ANO4: variants seen among roughly 807,000 people sequenced by gnomAD.
ANO4 encodes the protein anoctamin 4.
A neutral mutation model predicts 141.9 loss-of-function variants in ANO4; 69 were observed. The observed-to-expected ratio is 0.49, with a 90% CI of 0.40 to 0.59. ANO4 has a LOEUF of 0.59. ANO4 is among the 20% of genes least tolerant of loss of function. The pLI, the probability that ANO4 is intolerant of heterozygous loss-of-function variation, is 0.00. For synonymous variants in ANO4, 350 were observed against 394.3 expected (o/e 0.89, Z 1.33); for missense variants, 894 against 1,162.2 (o/e 0.77, Z 3.36).
chr12:100,964,949 G>T (rs1304597213), intron 5 of ANO4, among the ~76,000 whole-genome samples: 1 of 152,068 alleles, frequency 6.6e-6, no homozygotes, highest in Non-Finnish European at 1.5e-5. Context: ...CTTGAGTTCC[G>T]CAAGAGCAGG....
chr12:101,115,910 C>G (rs556725362), intron 24 of ANO4, among the ~76,000 whole-genome samples: 9 of 152,248 alleles, frequency 5.9e-5, no homozygotes, highest in African/African-American at 2.2e-4. Context: ...ATAGGATACA[C>G]AAATACCTAA....
chr12:100,759,889 C>A (rs1164011027), intron 3 of ANO4, among the ~76,000 whole-genome samples: 1 of 152,156 alleles, frequency 6.6e-6, no homozygotes, highest in African/African-American at 2.4e-5. Context: ...GCTACTTTGT[C>A]AAACATTTGT....
At chr12:101,057,587 T>C (rs1320742780) in intron 14 of ANO4, among the ~76,000 whole-genome samples, 1 of 152,212 alleles carries the variant, frequency 6.6e-6, no homozygotes, top group African/African-American at 2.4e-5. Flanking sequence ...CTCATTGTGG[T>C]TTTGATTTGC....
intron 3 of ANO4, among the ~76,000 whole-genome samples, chr12:100,750,273 A>G (rs1373336043): frequency 6.6e-6 from 1 of 151,370 alleles, no homozygotes; most frequent in Non-Finnish European, 1.5e-5. Context: ...CTGGAATAAC[A>G]GGCATGCACC....
At chr12:101,057,002 C>T (rs1346838014) in intron 14 of ANO4, among the ~76,000 whole-genome samples, 3 of 151,118 alleles carry the variant, frequency 2.0e-5, no homozygotes, top group South Asian at 2.1e-4. Context: ...TTTCCCTCCC[C>T]GATCCCCCTA....
intron 1 of ANO4, among the ~76,000 whole-genome samples, chr12:100,728,477 C>A (rs987557360): frequency 6.6e-6 from 1 of 152,142 alleles, no homozygotes; most frequent in African/African-American, 2.4e-5. Context: ...CTGTCTTTGC[C>A]TCTGCTCTCA....
intron 1 of ANO4, among the ~76,000 whole-genome samples, chr12:100,821,600 A>G (rs1295038539): frequency 2.0e-5 from 3 of 152,078 alleles, no homozygotes; most frequent in South Asian, 4.2e-4. Flanking sequence ...ATCACAATAT[A>G]TATGATTTTC....
chr12:100,968,381 T>A (rs1261318764), intron 5 of ANO4, among the ~76,000 whole-genome samples: 1 of 152,212 alleles, frequency 6.6e-6, no homozygotes, highest in Admixed American at 6.5e-5. Flanking sequence ...CTGTAAGACC[T>A]AACACTTACA....
chr12:100,865,851 C>T (rs1251013521), intron 1 of ANO4, among the ~76,000 whole-genome samples: 2 of 152,132 alleles, frequency 1.3e-5, no homozygotes, highest in Non-Finnish European at 2.9e-5. Flanking sequence ...TGTTTATCTC[C>T]CCCAGGTCTG....
intron 8 of ANO4, among the ~76,000 whole-genome samples, chr12:100,993,989 A>G (rs11110621): frequency 9.9e-4 from 150 of 152,254 alleles, no homozygotes; most frequent in African/African-American, 3.3e-3. Context: ...GGGCTGAATA[A>G]CTCCTTGTTG....
intron 3 of ANO4, among the ~76,000 whole-genome samples, chr12:100,746,627 G>A (rs1334365369): frequency 6.6e-6 from 1 of 152,182 alleles, no homozygotes; most frequent in Non-Finnish European, 1.5e-5. Flanking sequence ...CTTGGCAGGA[G>A]GTATCACAGG....
chr12:100,966,015 C>T (rs550011033), intron 5 of ANO4, among the ~76,000 whole-genome samples: 12 of 152,026 alleles, frequency 7.9e-5, no homozygotes, highest in African/African-American at 1.7e-4. Flanking sequence ...ATGTCACAGA[C>T]GAACCTGCAG....
At chr12:100,836,173 TA>T (rs998046659) in intron 1 of ANO4, among the ~76,000 whole-genome samples, 5 of 152,160 alleles carry the variant, frequency 3.3e-5, no homozygotes, top group Non-Finnish European at 5.9e-5. Flanking sequence ...CATTTATCAA[TA>T]AGTTTTTGGA....
At chr12:101,070,685 A>T (rs1662700670) in intron 14 of ANO4, among the ~76,000 whole-genome samples, 1 of 152,204 alleles carries the variant, frequency 6.6e-6, no homozygotes, top group Non-Finnish European at 1.5e-5. Flanking sequence ...CAAGTTAAAA[A>T]TCTTCTACAC....
chr12:100,777,105 T>G (rs2033540539), intron 3 of ANO4, among the ~76,000 whole-genome samples: 1 of 75,806 alleles, frequency 1.3e-5, no homozygotes, highest in Admixed American at 1.4e-4. Context: ...TTTTTTTTTT[T>G]TTTTTGAGAC....
At chr12:100,990,215 G>A (rs575900924) in intron 8 of ANO4, among the ~76,000 whole-genome samples, 1 of 152,300 alleles carries the variant, frequency 6.6e-6, no homozygotes, top group African/African-American at 2.4e-5. Context: ...GGATAAATTA[G>A]TGAAGTATGT....
intron 1 of ANO4, among the ~76,000 whole-genome samples, chr12:100,815,144 G>A (rs1311580658): frequency 2.6e-5 from 4 of 152,088 alleles, no homozygotes; most frequent in South Asian, 2.1e-4. Flanking sequence ...TTCTGGATAC[G>A]TAAGAATGTA....
chr12:100,991,322 G>A (rs1198453580), intron 8 of ANO4, among the ~76,000 whole-genome samples: 1 of 152,060 alleles, frequency 6.6e-6, no homozygotes, highest in Non-Finnish European at 1.5e-5. Context: ...AAATTAATCA[G>A]AAGTAGCTGG....
At chr12:101,027,435 G>T (rs141828949) in intron 9 of ANO4, among the ~76,000 whole-genome samples, 110 of 152,312 alleles carry the variant, frequency 7.2e-4, no homozygotes, top group African/African-American at 2.6e-3. Context: ...CCAGCACTGG[G>T]ACTCATAACT....
Sources: allele counts gnomAD v4.1 joint callset (sites outside exome capture counted in the v4.1 genomes callset), GRCh38; gene constraint gnomAD v4.1.1; transcripts MANE v1.5; gene names NCBI Gene and HGNC (gene_info 2026-07-23, HGNC 2026-07-21).